Variants in INCA1 observed in about 807,000 individuals in gnomAD.
INCA1 encodes inhibitor of CDK, cyclin A1 interacting protein 1, also known as protein INCA1.
INCA1 carries 28 observed loss-of-function variants against 25.7 expected under a neutral mutation model. The observed-to-expected ratio is 1.09, with a 90% CI of 0.81 to 1.49. INCA1 has a LOEUF of 1.49. INCA1 is among the 40% of genes most tolerant of loss of function. The probability of loss-of-function intolerance (pLI) is 0.00; values close to 1 mark genes in which losing one functional copy is unlikely to be tolerated. For synonymous variants in INCA1, 111 were observed against 103.6 expected (o/e 1.07, Z -0.43); for missense variants, 309 against 290.9 (o/e 1.06, Z -0.45).
chr17:4,990,189 CAT>C lies in INCA1; in HGVS notation c.119_120del (p.Tyr40TrpfsTer9). 6.2e-7 allele frequency: 1 copy of C among 1,614,186 alleles called. No homozygotes were observed. The highest frequency in any genetic ancestry group is 8.5e-7 in the Non-Finnish European group (1 of 1,180,034). ...TTAAGGTTCTTCCAGAAGACATCTC[CAT>C]AACGCTGGGGCATGGGTCTGAGGCT... On this transcript the variant is annotated frameshift_variant, in exon 3 of 7. Coordinates refer to ENST00000576820, the Ensembl canonical transcript of INCA1. LOFTEE classifies it high-confidence loss of function.
intron 2 of INCA1, 45 bp downstream of exon 2, chr17:4,994,349 C>G (rs1567712651): frequency 1.3e-6 from 2 of 1,576,316 alleles, no homozygotes; most frequent in Non-Finnish European, 1.7e-6. Context: ...ATGCAATATC[C>G]CCTCCATCCC....
At position 4,989,496 on chromosome 17, in the gene INCA1, G is replaced by GA; in HGVS notation, c.326dup (p.Ala111ArgfsTer36). The GA allele has an allele frequency of 6.2e-7, 1 of 1,614,178 alleles. No individual in the cohort carries two copies. ...AAGTGACAGCCCTCACCCGGGCGGG[G>GA]ACTCCCCCAAGGCCCTGCTGCTGCA... On this transcript the variant is annotated frameshift_variant, in exon 5 of 7. Transcript: ENST00000576820. LOFTEE classifies it high-confidence loss of function.
chr17:4,989,950 G>C, intron 3 of INCA1, 21 bp from the exon 4 acceptor site: 1 of 1,614,108 alleles, frequency 6.2e-7, no homozygotes. Context: ...CAAAAAGGGG[G>C]CTATAAGTGC....
chr17:4,994,789 CAAAAAAAAAAA>C (rs34186821), intron 1 of INCA1, among the ~76,000 whole-genome samples: 4 of 70,820 alleles, frequency 5.6e-5, no homozygotes, highest in East Asian at 1.1e-3. Context: ...GACTCTGTCT[CAAAAAAAAAAA>C]AAAAAAAAAA....
exon 7 of INCA1, chr17:4,988,387 G>A (rs757256772): frequency 8.2e-6 from 13 of 1,580,116 alleles, no homozygotes; most frequent in Non-Finnish European, 8.6e-6. Context: ...CTAGCCTCTC[G>A]GCATCGGTGG....
exon 7 of INCA1, chr17:4,988,499 T>G (rs1484015316): frequency 6.2e-7 from 1 of 1,613,946 alleles, no homozygotes; most frequent in African/African-American, 1.3e-5. Flanking sequence ...AGAGTGCAGC[T>G]GCCTGGAGGC....
At chr17:4,995,633 T>C (rs1349256202) in intron 1 of INCA1, among the ~76,000 whole-genome samples, 1 of 147,158 alleles carries the variant, frequency 6.8e-6, no homozygotes, top group Non-Finnish European at 1.5e-5. Flanking sequence ...CATCTCTATT[T>C]AAAAAAAAAA....
At chr17:4,994,542 A>G in intron 1 of INCA1, 67 bp from the exon 2 acceptor site, 1 of 1,311,784 alleles carries the variant, frequency 7.6e-7, no homozygotes, top group Non-Finnish European at 1.1e-6. Flanking sequence ...CTGTAATCCC[A>G]GTACTTTTGG....
In INCA1 at chr17:4,989,909, T is replaced by G. The variant is rs767384887; in HGVS notation, c.179A>C (p.Gln60Pro). The G allele has an allele frequency of 1.9e-6, 3 of 1,614,086 alleles. No homozygotes were observed. In the African/African-American group the frequency reaches 4.0e-5, roughly 22 times the overall value. The change falls in exon 4 of 7, where the codon CAG becomes CCG. Residue 60 changes from glutamine (Q) to proline (P), a missense_variant. By Grantham distance (76) the Gln-to-Pro change is moderately conservative (BLOSUM62 -1). Coordinates refer to ENST00000576820, the Ensembl canonical transcript of INCA1. ...TCTTACCAGCATGGGTGGAATGTGC[T>G]GCTCCTCCAGCCAAGTGGGGCTGTG...
chr17:4,996,036 C>G (rs1371489952), intron 1 of INCA1: 1 of 152,052 alleles, frequency 6.6e-6, no homozygotes, highest in Admixed American at 6.5e-5. Context: ...ATAGGGAGGT[C>G]AGTTGCATAT....
chr17:4,993,635 ATTT>A lies in INCA1; in HGVS notation c.44+756_44+758del, dbSNP rs568016722. 2.6e-4 allele frequency among the ~76,000 whole-genome samples: 39 copies of A among 150,930 alleles called. No individual in the cohort carries two copies. In the East Asian group the frequency reaches 7.6e-3, roughly 29 times the overall value. The stretch of plus-strand genomic sequence containing the variant: ...AGGCGCCCGCCACCACACCCGGCTA[ATTT>A]TTTTGTATTTTTAGTAGACACGAGT... On this transcript the variant is annotated intron_variant, in intron 2 of 6. Coordinates refer to ENST00000576820, the Ensembl canonical transcript of INCA1.
At chr17:4,997,503 A>T (rs1470782093), upstream of INCA1, 2 of 152,152 alleles carry the variant, frequency 1.3e-5, no homozygotes, top group African/African-American at 4.8e-5. Flanking sequence ...CACCTGAAGC[A>T]GCTGCGCGGC....
At chr17:4,992,475 G>A (rs1196266905) in intron 2 of INCA1, among the ~76,000 whole-genome samples, 1 of 152,126 alleles carries the variant, frequency 6.6e-6, no homozygotes, top group Admixed American at 6.5e-5. Flanking sequence ...TCAGAGATGA[G>A]GTCTCACTAT....
At chr17:4,997,213 G>A (rs1030011543), upstream of INCA1, 1 of 152,338 alleles carries the variant, frequency 6.6e-6, no homozygotes, top group Non-Finnish European at 1.5e-5. Flanking sequence ...CTCGACAGGT[G>A]GACCGGGCGT....
chr17:4,989,333 C>A (rs915087644), intron 5 of INCA1, 95 bp downstream of exon 5: 4 of 1,207,796 alleles, frequency 3.3e-6, no homozygotes, highest in Admixed American at 4.4e-5. Flanking sequence ...TCCCCTCAAA[C>A]CTCCCCTCAA....
chr17:4,997,397 G>A (rs1216519066), upstream of INCA1: 1 of 152,298 alleles, frequency 6.6e-6, no homozygotes, highest in Non-Finnish European at 1.5e-5. Flanking sequence ...GGGGTTGTTT[G>A]GGCCTCAGGC....
chr17:4,996,920 C>CGGA (rs1214738111), intron 1 of INCA1: 2 of 152,984 alleles, frequency 1.3e-5, no homozygotes, highest in Non-Finnish European at 2.9e-5. Context: ...TGTCCTGACT[C>CGGA]GGAGGGGGGT....
chr17:4,992,025 C>T (rs546721840), intron 2 of INCA1, among the ~76,000 whole-genome samples: 1 of 152,078 alleles, frequency 6.6e-6, no homozygotes, highest in East Asian at 1.9e-4. Flanking sequence ...GAGAGATGAT[C>T]ATACGAAATA....
At chr17:4,997,285 G>A (rs997746010), upstream of INCA1, among the ~76,000 whole-genome samples, 3 of 152,166 alleles carry the variant, frequency 2.0e-5, no homozygotes, top group African/African-American at 4.8e-5. Flanking sequence ...CCTCGAGAGG[G>A]GCCCTGAGGT....
Sources: allele counts gnomAD v4.1 joint callset (sites outside exome capture counted in the v4.1 genomes callset), GRCh38; gene constraint gnomAD v4.1.1; transcripts MANE v1.5; gene names NCBI Gene and HGNC (gene_info 2026-07-23, HGNC 2026-07-21).